Variants in B3GALT1 observed in about 807,000 individuals in gnomAD.
B3GALT1 encodes the protein beta-1,3-galactosyltransferase 1.
In B3GALT1, 10 loss-of-function variants were observed where a neutral mutation model predicts 23.2. The ratio of observed to expected loss-of-function variants is 0.43; its 90% CI spans 0.27 to 0.73. The LOEUF (loss-of-function observed/expected upper bound fraction) is 0.73. Among genes scored for constraint, B3GALT1 ranks in the 30% least tolerant of loss-of-function variants. The pLI is 0.21. For synonymous variants in B3GALT1, 156 were observed against 141.5 expected (o/e 1.10, Z -0.73); for missense variants, 299 against 405.4 (o/e 0.74, Z 2.25).
At chr2:167,440,345 A>G (rs1194406295) in intron 1 of B3GALT1, among the ~76,000 whole-genome samples, 11 of 92,098 alleles carry the variant, frequency 1.2e-4, no homozygotes, top group Middle Eastern at 0.01. Context: ...ACTCTGTCTG[A>G]AAAAAAAAAA....
At chr2:167,803,669 C>T (rs1169075998) in intron 3 of B3GALT1, among the ~76,000 whole-genome samples, 1 of 152,138 alleles carries the variant, frequency 6.6e-6, no homozygotes, top group Non-Finnish European at 1.5e-5. Flanking sequence ...GATGGTTTTC[C>T]TGTGCGTACT....
intron 4 of B3GALT1, among the ~76,000 whole-genome samples, chr2:167,865,702 G>A (rs1690200241): frequency 1.3e-5 from 2 of 152,188 alleles, no homozygotes; most frequent in African/African-American, 4.8e-5. Flanking sequence ...TGAGGCAGGA[G>A]AATGGCGTGA....
Position 167,370,723 on chromosome 2 carries a change from G to A in B3GALT1, c.-511+77389G>A, listed in dbSNP as rs900950642. Among the ~76,000 whole-genome samples, 3 of 152,104 alleles carry A rather than the reference G, an allele frequency of 2.0e-5. No individual in the cohort carries two copies. The South Asian group carries it at 6.2e-4, about 31-fold the overall frequency. ...GGGTGGATCACGAGGTCAGGTGTTC[G>A]AGACCTGTCTAGGCAACATAGTGAA... On this transcript the variant is annotated intron_variant, in intron 1 of 4. Transcript: ENST00000392690.
intron 1 of B3GALT1, among the ~76,000 whole-genome samples, chr2:167,452,048 G>C (rs547559683): frequency 1.8e-3 from 273 of 152,216 alleles, no homozygotes; most frequent in Admixed American, 3.0e-3. Flanking sequence ...ACAGCACCGG[G>C]TTTATTTCCG....
intron 2 of B3GALT1, among the ~76,000 whole-genome samples, chr2:167,516,160 A>C (rs997897412): frequency 6.6e-6 from 1 of 152,128 alleles, no homozygotes; most frequent in African/African-American, 2.4e-5. Context: ...ATTCTGTTAG[A>C]AATGCTGCAA....
chr2:167,818,779 C>A lies in B3GALT1; in HGVS notation c.-244C>A, dbSNP rs529424683. Among the ~76,000 whole-genome samples the A allele has an allele frequency of 1.3e-5, 2 of 152,186 alleles. No individual in the cohort carries two copies. Among genetic ancestry groups the A allele is most frequent in the Middle Eastern group, 3.4e-3 (1 of 294 alleles). ...TAGTAAGAAGAAGGAAAACACAGCA[C>A]GCTGGAGCCAACAGGTAGGCGAGAA... On this transcript the variant is annotated 5_prime_UTR_variant, in exon 4 of 5. Coordinates refer to ENST00000392690, the MANE Select transcript of B3GALT1 (RefSeq NM_020981.4).
chr2:167,368,083 G>A (rs1697619024), intron 1 of B3GALT1, among the ~76,000 whole-genome samples: 2 of 152,154 alleles, frequency 1.3e-5, no homozygotes, highest in South Asian at 4.1e-4. Flanking sequence ...TGAGGGACAT[G>A]TTTTTCTAAG....
chr2:167,866,178 C>T (rs1690214134), intron 4 of B3GALT1, among the ~76,000 whole-genome samples: 1 of 152,174 alleles, frequency 6.6e-6, no homozygotes, highest in Admixed American at 6.5e-5. Flanking sequence ...CCCCAGGACT[C>T]CCTCATTGTT....
chr2:167,564,231 C>G (rs1684099921), intron 2 of B3GALT1, among the ~76,000 whole-genome samples: 1 of 151,190 alleles, frequency 6.6e-6, no homozygotes, highest in Non-Finnish European at 1.5e-5. Flanking sequence ...GACGGGGCGG[C>G]AGGGCAGAGG....
intron 1 of B3GALT1, among the ~76,000 whole-genome samples, chr2:167,331,048 T>C (rs1418502236): frequency 6.6e-6 from 1 of 152,182 alleles, no homozygotes; most frequent in African/African-American, 2.4e-5. Flanking sequence ...CACTTGGGCT[T>C]CAATTCTGGA....
intron 2 of B3GALT1, among the ~76,000 whole-genome samples, chr2:167,565,814 C>A (rs9751399): frequency 0.37 from 55,482 of 151,458 alleles, 11,152 homozygotes; most frequent in East Asian, 0.84. Context: ...CCATCTCACA[C>A]CAGTTAGAAT....
intron 2 of B3GALT1, among the ~76,000 whole-genome samples, chr2:167,538,159 G>A (rs568565165): frequency 3.3e-5 from 5 of 152,068 alleles, no homozygotes; most frequent in Admixed American, 6.6e-5. Flanking sequence ...TTCCCCCAGC[G>A]TATTACTTTG....
At chr2:167,516,112 G>T (rs1011738821) in intron 2 of B3GALT1, among the ~76,000 whole-genome samples, 1 of 151,818 alleles carries the variant, frequency 6.6e-6, no homozygotes, top group African/African-American at 2.4e-5. Context: ...CACCACCACC[G>T]CAATTTAACT....
chr2:167,690,141 C>A (rs1167657396), intron 3 of B3GALT1, among the ~76,000 whole-genome samples: 5 of 151,736 alleles, frequency 3.3e-5, no homozygotes, highest in African/African-American at 1.2e-4. Context: ...TATAGATAAA[C>A]AATGATTTAT....
intron 3 of B3GALT1, among the ~76,000 whole-genome samples, chr2:167,733,393 C>A (rs1396863156): frequency 6.6e-6 from 1 of 151,642 alleles, no homozygotes; most frequent in Non-Finnish European, 1.5e-5. Context: ...CTTAATCTTT[C>A]TTAAAACATT....
chr2:167,809,081 A>G (rs1442658069), intron 3 of B3GALT1, among the ~76,000 whole-genome samples: 3 of 152,150 alleles, frequency 2.0e-5, no homozygotes, highest in Non-Finnish European at 2.9e-5. Flanking sequence ...CGAATCAGCT[A>G]CTGAGGCTTG....
intron 3 of B3GALT1, among the ~76,000 whole-genome samples, chr2:167,717,185 A>G (rs1266501325): frequency 1.5e-5 from 1 of 66,382 alleles, no homozygotes; most frequent in Non-Finnish European, 5.5e-5. Context: ...ATGATGCCCT[A>G]TCTATTTTTT....
At chr2:167,384,810 C>T (rs1338844243) in intron 1 of B3GALT1, among the ~76,000 whole-genome samples, 1 of 152,070 alleles carries the variant, frequency 6.6e-6, no homozygotes, top group African/African-American at 2.4e-5. Flanking sequence ...TTGATGTGAT[C>T]ATCCCTCTCA....
chr2:167,485,939 A>G (rs1262244099), intron 1 of B3GALT1, among the ~76,000 whole-genome samples: 1 of 152,210 alleles, frequency 6.6e-6, no homozygotes, highest in Non-Finnish European at 1.5e-5. Context: ...GAAGGTCGTG[A>G]TATCTTTGGG....
Sources: allele counts gnomAD v4.1 joint callset (sites outside exome capture counted in the v4.1 genomes callset), GRCh38; gene constraint gnomAD v4.1.1; transcripts MANE v1.5; gene names NCBI Gene and HGNC (gene_info 2026-07-23, HGNC 2026-07-21).